The following STAG3 variants were observed in gnomAD, a reference collection of about 807,000 sequenced individuals.
The protein encoded by STAG3 is STAG3 cohesin complex component, also known as cohesin subunit SA-3.
In STAG3, 101 loss-of-function variants were observed where a neutral mutation model predicts 160.7. That is an observed-to-expected ratio of 0.63 (90% CI 0.54 to 0.74). STAG3 has a LOEUF of 0.74. Among genes scored for constraint, STAG3 ranks in the 30% least tolerant of loss-of-function variants. The pLI is 0.00. For synonymous variants in STAG3, 519 were observed against 585.0 expected, an observed-to-expected ratio of 0.89 and a Z score of 1.63; for missense variants, 1,188 against 1,517.4, an observed-to-expected ratio of 0.78 and a Z score of 3.61.
intron 29 of STAG3, among the ~76,000 whole-genome samples, chr7:100,208,830 T>C (rs1380951797): frequency 6.6e-6 from 1 of 152,138 alleles, no homozygotes; most frequent in East Asian, 1.9e-4. Flanking sequence ...TGAGGAATGC[T>C]GGCGGGGTGG....
chr7:100,201,950 A>C lies in STAG3; in HGVS notation c.2303A>C (p.Lys768Thr), dbSNP rs1189330775. 1 of 1,614,170 alleles carries C rather than the reference A, an allele frequency of 6.2e-7. No homozygotes were observed. ...THISKSDASQ[K>T]QLSSLRDRMV... Reference sequence around the variant, plus strand: ...CCCTTCAAGCCACTGTGCCCACAGAAGCAGCTGTCGAGTTTGAGGGACAGA... The same window carrying C: ...CCCTTCAAGCCACTGTGCCCACAGACGCAGCTGTCGAGTTTGAGGGACAGA... The change falls in exon 23 of 34, where the codon AAG (lysine) becomes ACG (threonine). Residue 768 changes from lysine to threonine, a missense_variant and splice_region_variant. Lys to Thr is a moderately conservative substitution (Grantham distance 78). Transcript: ENST00000615138.
At chr7:100,189,637 C>T in intron 8 of STAG3, 41 bp downstream of exon 8, 2 of 1,586,520 alleles carry the variant, frequency 1.3e-6, no homozygotes, top group Non-Finnish European at 1.7e-6. Flanking sequence ...TTTTTCCCAA[C>T]TTGCACCCAC....
intron 25 of STAG3, among the ~76,000 whole-genome samples, chr7:100,203,716 G>T (rs1039513907): frequency 1.3e-5 from 2 of 149,798 alleles, no homozygotes; most frequent in African/African-American, 4.9e-5. Flanking sequence ...GGGTTTCACC[G>T]TATTAGCCAG....
rs1263182300 is a variant in STAG3, at chr7:100,182,439, G to C, written c.219+247G>C. 2.0e-5 allele frequency among the ~76,000 whole-genome samples: 3 copies of C among 152,016 alleles called. No homozygotes were observed. In the East Asian group the frequency reaches 5.8e-4, roughly 29 times the overall value. On this transcript the variant is annotated intron_variant, in intron 3 of 33. Transcript: ENST00000615138. ...AAGGACAAGATTTACAAAGTATTAA[G>C]GGATGGAAATAGGAAGAAGAGAAAT...
At chr7:100,186,106 C>T (rs1799984752) in intron 4 of STAG3, 94 bp from the exon 5 acceptor site, 2 of 981,160 alleles carry the variant, frequency 2.0e-6, no homozygotes, top group Non-Finnish European at 3.2e-6. Flanking sequence ...AAATGTTTTA[C>T]AGAAGTTTAG....
downstream of STAG3, chr7:100,215,076 T>C (rs1397122795): frequency 1.3e-5 from 2 of 152,230 alleles, no homozygotes; most frequent in Admixed American, 1.3e-4. Flanking sequence ...TTCTCTCTTG[T>C]CCCTCTGACA....
chr7:100,195,215 G>C (rs969635464), intron 8 of STAG3, 94 bp from the exon 9 acceptor site: 2 of 1,051,976 alleles, frequency 1.9e-6, no homozygotes, highest in African/African-American at 3.1e-5. Flanking sequence ...ATAATAAACA[G>C]GAAGTAGGTG....
rs1191757769 is a variant in STAG3 at position 100,198,546 on chromosome 7, G to T, written c.1316G>T (p.Gly439Val). Residue 439 changes from glycine to valine, a missense_variant, in exon 13 of 34, where the codon GGC becomes GTC. Gly to Val is a moderately radical substitution (Grantham distance 109, BLOSUM62 -3). Coordinates refer to ENST00000615138, the MANE Select transcript of STAG3 (RefSeq NM_001282717.2). ...CCAGTTGTGTATGCCTCTCATCGAGGCCTGGCCTCTGCCGCAGGCGAATTT... is the reference window on the plus strand; with the variant it reads ...CCAGTTGTGTATGCCTCTCATCGAGTCCTGGCCTCTGCCGCAGGCGAATTT... ...VYPVVYASHR[G>V]LASAAGEFLY... The T allele has an allele frequency of 6.2e-7, 1 of 1,614,116 alleles. No individual in the cohort carries two copies. The highest frequency in any genetic ancestry group is 1.3e-5 in the African/African-American group (1 of 75,052).
chr7:100,204,842 G>T, intron 27 of STAG3, 67 bp downstream of exon 27: 1 of 1,601,648 alleles, frequency 6.2e-7, no homozygotes, highest in South Asian at 1.1e-5. Flanking sequence ...GGGAGGTCTC[G>T]GAGGGAGGGT....
chr7:100,198,062 T>C (rs780535657), intron 11 of STAG3, 25 bp from the exon 12 acceptor site: 1 of 1,612,304 alleles, frequency 6.2e-7, no homozygotes, highest in Admixed American at 1.7e-5. Flanking sequence ...TAATGAGATA[T>C]TGAGTGACTT....
At chr7:100,193,032 G>A (rs1247739285) in intron 8 of STAG3, among the ~76,000 whole-genome samples, 2 of 152,198 alleles carry the variant, frequency 1.3e-5, no homozygotes, top group Non-Finnish European at 2.9e-5. Context: ...TGGATGTTGT[G>A]TTAGTGGGCA....
At position 100,202,472 on chromosome 7, in the gene STAG3, AT is replaced by A; in HGVS notation, c.2585del (p.Leu862TyrfsTer3). Reference sequence around the variant, plus strand: ...GAGCCAGGTGATTCCCAGGAGGATCATTTACAGATAGAGCGGCTACACCAGC... The same window carrying A: ...GAGCCAGGTGATTCCCAGGAGGATCATTACAGATAGAGCGGCTACACCAGC... ...DLGSGDSQED[H>X]LQIERLHQRR... On this transcript the variant is annotated frameshift_variant, in exon 25 of 34. Transcript: ENST00000615138. LOFTEE classifies it high-confidence loss of function. The A allele has an allele frequency of 3.7e-6, 6 of 1,613,924 alleles. No homozygotes were observed. Among genetic ancestry groups the A allele is most frequent in the Non-Finnish European group, 5.1e-6 (6 of 1,179,884 alleles).
intron 10 of STAG3, 38 bp from the exon 11 acceptor site, chr7:100,197,740 G>A (rs781457124): frequency 6.5e-7 from 1 of 1,537,878 alleles, no homozygotes; most frequent in Middle Eastern, 1.7e-4. Context: ...AGTGTGGTTA[G>A]TCTTATTTCC....
rs1370706453 is a variant in STAG3 at position 100,200,273 on chromosome 7, A to T, written c.1715A>T (p.Asp572Val). 1 of 1,613,422 alleles carries T rather than the reference A, an allele frequency of 6.2e-7. No homozygotes were observed. The highest frequency in any genetic ancestry group is 1.1e-5 in the South Asian group (1 of 91,022). ...TSKERKTQAD[D>V]RVKLTEHLIP... is the part of the protein sequence containing the mutation. ...AAGGAGCGCAAGACCCAAGCCGATG[A>T]CAGGGTGAAGTTGACTGAGCACCTC... The change falls in exon 17 of 34, where the codon GAC (aspartate) becomes GTC (valine). Residue 572 changes from aspartate to valine, a missense_variant. This residue lies in a region of STAG3 where 240 missense variants were observed against 358.1 expected (regional missense o/e 0.67). Transcript: ENST00000615138.
chr7:100,198,981 G>A (rs776909077), intron 14 of STAG3, 24 bp downstream of exon 14: 1 of 1,605,946 alleles, frequency 6.2e-7, no homozygotes, highest in Non-Finnish European at 8.5e-7. Flanking sequence ...AGAGAAGTCT[G>A]GCTGTTGTGC....
At chr7:100,178,525 C>T (rs1423526017) in intron 1 of STAG3, among the ~76,000 whole-genome samples, 2 of 150,538 alleles carry the variant, frequency 1.3e-5, no homozygotes, top group African/African-American at 2.4e-5. Flanking sequence ...CTTCCGAAGC[C>T]TCCAGAGAGG....
chr7:100,178,618 G>A (rs1318192624), intron 1 of STAG3, among the ~76,000 whole-genome samples: 5 of 149,560 alleles, frequency 3.3e-5, no homozygotes, highest in African/African-American at 9.9e-5. Flanking sequence ...TAGAGACAGG[G>A]CGTTGCTATG....
intron 1 of STAG3, among the ~76,000 whole-genome samples, chr7:100,178,744 A>G (rs1000133510): frequency 6.6e-6 from 1 of 151,812 alleles, no homozygotes; most frequent in Non-Finnish European, 1.5e-5. Flanking sequence ...TTGGAGAGCA[A>G]TTCCAAACCC....
In STAG3 at chr7:100,179,268, T is replaced by G. The variant is rs554412708; in HGVS notation, c.-64-1225T>G. Among the ~76,000 whole-genome samples, 390 of 151,220 alleles carry G rather than the reference T, an allele frequency of 2.6e-3. 7 individuals carry two copies. Among genetic ancestry groups the G allele is most frequent in the African/African-American group, 9.1e-3 (375 of 41,170 alleles). ...GTGTACCTTGCTTGGGTTTTGTTTT[T>G]TTTTTTTTGGGTGTGTCTCATGTTG... is the stretch of plus-strand genomic sequence containing the variant. On this transcript the variant is annotated intron_variant, in intron 1 of 33. Transcript: ENST00000615138.
Sources: gnomAD v4.1 joint callset for allele counts (sites outside exome capture counted in the v4.1 genomes callset) on GRCh38, gnomAD v4.1.1 for gene constraint, gnomAD v4.1.1 regional missense constraint, MANE v1.5 for transcripts, NCBI Gene and HGNC (gene_info 2026-07-23, HGNC 2026-07-21) for gene names.